The following RERE variants were observed in gnomAD, a reference collection of about 807,000 sequenced individuals.
The protein encoded by RERE is arginine-glutamic acid dipeptide repeats protein.
RERE carries 40 observed loss-of-function variants against 146.1 expected under a neutral mutation model. That is an observed-to-expected ratio of 0.27 (90% confidence interval 0.21 to 0.36). RERE has a LOEUF of 0.36. Ranked by LOEUF, RERE falls within the 10% of genes least tolerant of loss-of-function variation. RERE has a pLI of 1.00. For missense variants in RERE, 1,933 were observed against 2,138.7 expected (o/e 0.90, Z 1.90); for synonymous variants, 1,003 against 866.0 (o/e 1.16, Z -2.78).
At chr1:8,741,942 A>G (rs1351354491) in intron 1 of RERE, among the ~76,000 whole-genome samples, 1 of 152,214 alleles carries the variant, frequency 6.6e-6, no homozygotes, top group Non-Finnish European at 1.5e-5. Flanking sequence ...ATTAAGATAC[A>G]GTAAAATATA....
At chr1:8,529,590 A>G (rs1254060052) in intron 7 of RERE, among the ~76,000 whole-genome samples, 3 of 151,522 alleles carry the variant, frequency 2.0e-5, no homozygotes, top group Non-Finnish European at 2.9e-5. Context: ...GTGAGCCACC[A>G]CGCCCGGCCA....
chr1:8,735,098 T>C (rs1459504986), intron 1 of RERE, among the ~76,000 whole-genome samples: 1 of 152,210 alleles, frequency 6.6e-6, no homozygotes, highest in Admixed American at 6.5e-5. Flanking sequence ...CTTAAACTTC[T>C]TAATAACTCA....
At chr1:8,567,675 C>T (rs1312078278) in intron 4 of RERE, among the ~76,000 whole-genome samples, 2 of 152,190 alleles carry the variant, frequency 1.3e-5, no homozygotes, top group Non-Finnish European at 2.9e-5. Context: ...TGTATGAACA[C>T]TGAAATTTTC....
At position 8,356,601 on chromosome 1, in the gene RERE, C is replaced by A. The variant is rs1641304354; in HGVS notation, c.4340-355G>T. 6.6e-6 allele frequency among the ~76,000 whole-genome samples: 1 copy of A among 152,182 alleles called. No individual in the cohort carries two copies. Among genetic ancestry groups the A allele is most frequent in the South Asian group, 2.1e-4 (1 of 4,838 alleles). ...CCCTCTGCCTGTCAGGTCACAGGAA[C>A]ACACAGCCTTGCGCCAGTGGGTGTT... is the stretch of plus-strand genomic sequence containing the variant. On this transcript the variant is annotated intron_variant, in intron 20 of 22. Transcript: ENST00000400908. The surrounding 1 kb of genome is among the most constrained non-coding windows in gnomAD (Gnocchi z 5.2).
chr1:8,637,314 C>A (rs553929876), intron 2 of RERE, among the ~76,000 whole-genome samples: 2 of 152,268 alleles, frequency 1.3e-5, no homozygotes, highest in East Asian at 3.9e-4. Flanking sequence ...ACCTCTCCTG[C>A]AGACTGCCTG....
At chr1:8,694,634 C>T (rs1205025113) in intron 1 of RERE, among the ~76,000 whole-genome samples, 1 of 152,020 alleles carries the variant, frequency 6.6e-6, no homozygotes, top group East Asian at 1.9e-4. Flanking sequence ...TGGCACATGC[C>T]TGTAGTTCCA....
intron 12 of RERE, among the ~76,000 whole-genome samples, chr1:8,376,662 C>T (rs770650222): frequency 2.0e-5 from 3 of 152,170 alleles, no homozygotes; most frequent in Non-Finnish European, 4.4e-5. Context: ...AGAAATGTGC[C>T]AATAAGTGGC....
intron 12 of RERE, among the ~76,000 whole-genome samples, chr1:8,381,611 C>T (rs548887627): frequency 5.9e-5 from 9 of 152,268 alleles, no homozygotes; most frequent in Admixed American, 2.6e-4. Context: ...TTTATCTGTA[C>T]ATTAAAGTAA....
At chr1:8,533,174 A>C (rs1448395609) in intron 7 of RERE, among the ~76,000 whole-genome samples, 3 of 146,194 alleles carry the variant, frequency 2.1e-5, no homozygotes, top group African/African-American at 7.5e-5. Flanking sequence ...AATGGCCATC[A>C]CTACATTGCC....
chr1:8,566,485 T>TGGC (rs1353861947), intron 4 of RERE, among the ~76,000 whole-genome samples: 2 of 152,020 alleles, frequency 1.3e-5, no homozygotes, highest in African/African-American at 2.4e-5. Flanking sequence ...CCGGGTGTGG[T>TGGC]GGCGACCGCC....
At chr1:8,595,197 T>C (rs1467056429) in intron 4 of RERE, among the ~76,000 whole-genome samples, 1 of 151,258 alleles carries the variant, frequency 6.6e-6, no homozygotes, top group Non-Finnish European at 1.5e-5. Context: ...GGATCTACCA[T>C]GTTATCTGTG....
chr1:8,605,771 AC>A (rs1344718275), intron 4 of RERE, among the ~76,000 whole-genome samples: 29 of 138,298 alleles, frequency 2.1e-4, no homozygotes, highest in African/African-American at 7.5e-4. Flanking sequence ...AAAAAAAAAA[AC>A]CCCTAAAAAA....
intron 4 of RERE, among the ~76,000 whole-genome samples, chr1:8,579,742 G>A (rs1055805161): frequency 3.3e-5 from 5 of 152,336 alleles, no homozygotes; most frequent in East Asian, 3.9e-4. Context: ...AGTGGCTCAC[G>A]CCTGTAATCC....
At chr1:8,773,411 T>C (rs1218584528) in intron 1 of RERE, among the ~76,000 whole-genome samples, 1 of 152,166 alleles carries the variant, frequency 6.6e-6, no homozygotes, top group Non-Finnish European at 1.5e-5. Context: ...AGAAGGTTGC[T>C]GGCCGGGTAC....
chr1:8,356,442 G>C lies in RERE; in HGVS notation c.4340-196C>G, dbSNP rs530181414. 6.6e-6 allele frequency among the ~76,000 whole-genome samples: 1 copy of C among 152,242 alleles called. No homozygotes were observed. The highest frequency in any genetic ancestry group is 2.4e-5 in the African/African-American group (1 of 41,538). ...CTTCAGCAAGAGCTCCAGAGGCCGA[G>C]AGAAGTGACGAGCCCACCGCTGATG... On this transcript the variant is annotated intron_variant, in intron 20 of 22. Transcript: ENST00000400908. The surrounding 1 kb of genome is among the most constrained non-coding windows in gnomAD (Gnocchi z 5.2).
chr1:8,598,144 T>C (rs535739864), intron 4 of RERE, among the ~76,000 whole-genome samples: 2 of 152,128 alleles, frequency 1.3e-5, no homozygotes, highest in Non-Finnish European at 2.9e-5. Context: ...AGAATGCAAG[T>C]GTGTATTCGA....
intron 12 of RERE, among the ~76,000 whole-genome samples, chr1:8,373,088 A>T (rs1016135845): frequency 1.3e-5 from 2 of 152,248 alleles, no homozygotes; most frequent in Non-Finnish European, 2.9e-5. Context: ...GACAGGAGCC[A>T]ACAGGGGCAG....
intron 1 of RERE, among the ~76,000 whole-genome samples, chr1:8,720,067 C>T (rs539275846): frequency 5.2e-4 from 79 of 151,686 alleles, no homozygotes; most frequent in African/African-American, 1.8e-3. Context: ...AGATCGAGAC[C>T]ATCCTGGCCA....
At chr1:8,719,893 T>G (rs1169170495) in intron 1 of RERE, among the ~76,000 whole-genome samples, 1 of 152,198 alleles carries the variant, frequency 6.6e-6, no homozygotes, top group Non-Finnish European at 1.5e-5. Flanking sequence ...TATAAATTGG[T>G]CTTTGCTGCT....
Sources: allele counts gnomAD v4.1 joint callset (sites outside exome capture counted in the v4.1 genomes callset), GRCh38; gene constraint gnomAD v4.1.1; non-coding constraint Gnocchi (gnomAD v3.1); transcripts MANE v1.5; gene names NCBI Gene and HGNC (gene_info 2026-07-23, HGNC 2026-07-21).